The following MCF2L variants were observed in gnomAD, a reference collection of about 807,000 sequenced individuals.
The protein encoded by MCF2L is MCF.2 cell line derived transforming sequence like.
In MCF2L, 97 loss-of-function variants were observed where a neutral mutation model predicts 153.4. That is an observed-to-expected ratio of 0.63 (90% CI 0.54 to 0.75). MCF2L has a LOEUF of 0.75. Ranked by LOEUF, MCF2L falls within the 30% of genes least tolerant of loss-of-function variation. MCF2L has a pLI of 0.00. For synonymous variants in MCF2L, 659 were observed against 632.2 expected (o/e 1.04, Z -0.64); for missense variants, 1,347 against 1,495.2 (o/e 0.90, Z 1.64).
At position 113,064,359 on chromosome 13, in the gene MCF2L, T is replaced by G. The variant is rs748844765; in HGVS notation, c.545T>G (p.Leu182Arg). 2 of 1,613,004 alleles carry G rather than the reference T, an allele frequency of 1.2e-6. No individual in the cohort carries two copies. The highest frequency in any genetic ancestry group is 1.7e-6 in the Non-Finnish European group (2 of 1,179,988). The change falls in exon 6 of 30, where the codon CTG (leucine) becomes CGG (arginine). Residue 182 changes from leucine to arginine, a missense_variant. This residue lies in a region of MCF2L where 820 missense variants were observed against 921.2 expected (regional missense o/e 0.89). Transcript: ENST00000535094. The surrounding 1 kb of genome is among the most constrained non-coding windows in gnomAD (Gnocchi z 6.0). ...DLHGYIDKSQ[L>R]TEDLGGTLDY... ...CACGGTTACATCGATAAGTCGCAGCTGACCGAGGACCTGGGTGGGACCCTG... is the reference window on the plus strand; with the variant it reads ...CACGGTTACATCGATAAGTCGCAGCGGACCGAGGACCTGGGTGGGACCCTG...
intron 8 of MCF2L, among the ~76,000 whole-genome samples, 157 bp downstream of exon 8, chr13:113,066,327 C>T (rs896855957): frequency 2.6e-5 from 4 of 152,230 alleles, no homozygotes; most frequent in Non-Finnish European, 5.9e-5. Flanking sequence ...AGCCGGCCTC[C>T]GAGCCTCTGT....
At chr13:113,038,654 T>TA (rs1426638337) in intron 3 of MCF2L, among the ~76,000 whole-genome samples, 3 of 152,200 alleles carry the variant, frequency 2.0e-5, no homozygotes, top group Admixed American at 1.3e-4. Flanking sequence ...ATTGGCAGGC[T>TA]GCCTTTACAT....
Position 113,064,419 on chromosome 13 carries a change from C to A in MCF2L, c.605C>A (p.Thr202Lys). 6.2e-7 allele frequency: 1 copy of A among 1,605,916 alleles called. No homozygotes were observed. Among genetic ancestry groups the A allele is most frequent in the Non-Finnish European group, 8.5e-7 (1 of 1,174,584 alleles). The change falls in exon 6 of 30, where the codon ACG becomes AAG. Residue 202 changes from threonine to lysine, a missense_variant and splice_region_variant. This residue lies in a region of MCF2L where 820 missense variants were observed against 921.2 expected (regional missense o/e 0.89). Transcript: ENST00000535094. This position sits in a 1 kb window ranked among gnomAD's most constrained non-coding sequence, Gnocchi z 6.0. Reference protein sequence around the residue: ...YCHSRWLCQRTAIESFALMVK... With the variant: ...YCHSRWLCQRKAIESFALMVK... ...CACTCCCGGTGGCTGTGCCAGCGCACGGTGAGCCGCGTCGGGGCCAGCGGG... is the reference window on the plus strand; with the variant it reads ...CACTCCCGGTGGCTGTGCCAGCGCAAGGTGAGCCGCGTCGGGGCCAGCGGG...
At chr13:112,968,425 G>A (rs1049802025), upstream of MCF2L, 17 of 1,576,002 alleles carry the variant, frequency 1.1e-5, no homozygotes, top group Non-Finnish European at 6.0e-6. Flanking sequence ...CAGCCAGGAC[G>A]CTGCGTGTGT....
At chr13:112,895,444 G>T (rs886632099) in intron 1 of MCF2L, among the ~76,000 whole-genome samples, 57 of 152,116 alleles carry the variant, frequency 3.7e-4, no homozygotes, top group African/African-American at 1.4e-3. Flanking sequence ...GAGTGTCGGT[G>T]TGGTCCCCTC....
intron 15 of MCF2L, among the ~76,000 whole-genome samples, chr13:113,080,805 C>T (rs925684061): frequency 1.3e-5 from 2 of 152,226 alleles, no homozygotes; most frequent in Non-Finnish European, 2.9e-5. Context: ...AGCAGGCGGG[C>T]GTCTTCTTGG....
intron 2 of MCF2L, among the ~76,000 whole-genome samples, chr13:112,929,126 C>A (rs1367756283): frequency 6.6e-6 from 1 of 152,226 alleles, no homozygotes; most frequent in Admixed American, 6.5e-5. Flanking sequence ...TTTCCACATC[C>A]CTTTCTCCTG....
At chr13:112,991,744 G>A (rs1594524293) in intron 1 of MCF2L, among the ~76,000 whole-genome samples, 1 of 152,290 alleles carries the variant, frequency 6.6e-6, no homozygotes, top group South Asian at 2.1e-4. Flanking sequence ...GGGAAAGGGG[G>A]TCATTTGCTC....
intron 2 of MCF2L, among the ~76,000 whole-genome samples, chr13:112,938,586 T>TA (rs1171312995): frequency 6.6e-6 from 1 of 152,210 alleles, no homozygotes; most frequent in Non-Finnish European, 1.5e-5. Flanking sequence ...ACTGGGGTGT[T>TA]AAGAGAAGAC....
intron 1 of MCF2L, among the ~76,000 whole-genome samples, chr13:113,007,876 G>C (rs1358751790): frequency 7.1e-6 from 1 of 140,094 alleles, no homozygotes; most frequent in Non-Finnish European, 1.6e-5. Flanking sequence ...GACAAACTTT[G>C]TGCTTAAATG....
At chr13:112,970,410 A>T (rs2081999778) in intron 1 of MCF2L, among the ~76,000 whole-genome samples, 1 of 152,142 alleles carries the variant, frequency 6.6e-6, no homozygotes, top group Non-Finnish European at 1.5e-5. Flanking sequence ...TCTAATCAAG[A>T]TGTTTTTAAT....
chr13:112,986,697 C>G (rs535902680), intron 1 of MCF2L, among the ~76,000 whole-genome samples: 1 of 152,200 alleles, frequency 6.6e-6, no homozygotes, highest in Admixed American at 6.5e-5. Context: ...GTCTGCTGGG[C>G]GGGCCTGCCT....
chr13:112,916,017 T>C (rs1211788141), intron 2 of MCF2L, among the ~76,000 whole-genome samples: 1 of 148,268 alleles, frequency 6.7e-6, no homozygotes, highest in Non-Finnish European at 1.5e-5. Flanking sequence ...GTTAACACGG[T>C]GAAACCCCGT....
chr13:112,928,601 A>G (rs2081431432), intron 2 of MCF2L, among the ~76,000 whole-genome samples: 2 of 152,160 alleles, frequency 1.3e-5, no homozygotes, highest in African/African-American at 2.4e-5. Context: ...GTCTACTCCT[A>G]GTATTTGTTT....
intron 5 of MCF2L, among the ~76,000 whole-genome samples, chr13:113,061,403 T>C (rs961108240): frequency 2.0e-5 from 3 of 152,228 alleles, no homozygotes; most frequent in African/African-American, 7.2e-5. Context: ...TCAGCTGCCT[T>C]GGCGAGCTCA....
chr13:112,989,405 C>G (rs1418112428), intron 1 of MCF2L, among the ~76,000 whole-genome samples: 1 of 112,466 alleles, frequency 8.9e-6, no homozygotes. Context: ...CTACCACGCC[C>G]GAGTCCTCCC....
chr13:113,098,889 G>T lies in MCF2L; in HGVS notation c.*2030G>T. On this transcript the variant is annotated 3_prime_UTR_variant, in exon 30 of 30. Transcript: ENST00000535094. ...TGATCCAATAGAAGAAGGGAAGGGT[G>T]GAGAAAGGGGAAAGCATGGTTAACA... 1 of 152,456 alleles carries T rather than the reference G, an allele frequency of 6.6e-6. No individual in the cohort carries two copies. Among genetic ancestry groups the T allele is most frequent in the Non-Finnish European group, 1.5e-5 (1 of 68,066 alleles). The allele number at this position is 152,456 out of a possible 1,614,324, so 9.4% of individuals were successfully genotyped here. A position where few individuals can be genotyped will look rare whatever the true frequency, so the allele number is the denominator to read the frequency against.
intron 1 of MCF2L, chr13:113,001,595 G>A (rs1295841860): frequency 2.2e-6 from 2 of 920,134 alleles, no homozygotes; most frequent in Non-Finnish European, 2.8e-6. Context: ...CTGCAGGGAG[G>A]GTCTAGACAA....
At chr13:112,927,634 T>C (rs953692062) in intron 2 of MCF2L, among the ~76,000 whole-genome samples, 2 of 149,880 alleles carry the variant, frequency 1.3e-5, no homozygotes, top group South Asian at 2.1e-4. Context: ...AGAAGGCGAG[T>C]TGGACATTAG....
Sources: allele counts gnomAD v4.1 joint callset (sites outside exome capture counted in the v4.1 genomes callset), GRCh38; gene constraint gnomAD v4.1.1; regional missense constraint gnomAD v4.1.1; non-coding constraint Gnocchi (gnomAD v3.1); transcripts MANE v1.5; gene names NCBI Gene and HGNC (gene_info 2026-07-23, HGNC 2026-07-21).